Variants in MINK1 observed in about 807,000 individuals in gnomAD.
MINK1 encodes the protein misshapen-like kinase 1.
MINK1 carries 46 observed loss-of-function variants against 178.4 expected under a neutral mutation model. The ratio of observed to expected loss-of-function variants is 0.26; its 90% CI spans 0.20 to 0.33. The LOEUF is 0.33. MINK1 is among the 10% of genes least tolerant of loss of function. The pLI, the probability that MINK1 is intolerant of heterozygous loss-of-function variation, is 1.00. For synonymous variants in MINK1, 797 were observed against 709.7 expected, an observed-to-expected ratio of 1.12 and a Z score of -1.96; for missense variants, 1,366 against 1,814.9, an observed-to-expected ratio of 0.75 and a Z score of 4.49.
chr17:4,853,952 C>T (rs1246698835), intron 1 of MINK1, among the ~76,000 whole-genome samples: 2 of 152,062 alleles, frequency 1.3e-5, no homozygotes, highest in Admixed American at 6.6e-5. Context: ...TCTTCACACC[C>T]GAGGCTGGGG....
chr17:4,878,503 G>C, intron 2 of MINK1, 121 bp downstream of exon 2: 2 of 894,976 alleles, frequency 2.2e-6, no homozygotes, highest in South Asian at 1.5e-5. Context: ...CTAGAGTCTA[G>C]GGCCCTGGAA....
intron 1 of MINK1, among the ~76,000 whole-genome samples, chr17:4,862,645 A>C (rs1046056587): frequency 1.4e-5 from 2 of 147,096 alleles, no homozygotes; most frequent in Non-Finnish European, 3.0e-5. Flanking sequence ...CAGAGTGAGA[A>C]TCCATCTCAA....
chr17:4,835,552 G>A (rs1274208569), intron 1 of MINK1, among the ~76,000 whole-genome samples: 1 of 152,162 alleles, frequency 6.6e-6, no homozygotes, highest in African/African-American at 2.4e-5. Context: ...GCTTGAACTG[G>A]GGAGGTGGAG....
chr17:4,886,375 GA>G lies in MINK1; in HGVS notation c.774-74del. 6.5e-7 allele frequency: 1 copy of G among 1,536,302 alleles called. No homozygotes were observed. The highest frequency in any genetic ancestry group is 1.7e-5 in the Admixed American group (1 of 57,314). On this transcript the variant is annotated intron_variant, in intron 9 of 31. Coordinates refer to ENST00000355280, the MANE Select transcript of MINK1 (RefSeq NM_153827.5). This position sits in a 1 kb window ranked among gnomAD's most constrained non-coding sequence, Gnocchi z 6.1. Reference sequence around the variant, plus strand: ...AGGGACGTCAAGGTGGCTTGTGGATGAATGATCCACCCTCTTCCTCCTGCAC... The same window carrying G: ...AGGGACGTCAAGGTGGCTTGTGGATGATGATCCACCCTCTTCCTCCTGCAC...
chr17:4,884,819 C>G, intron 5 of MINK1, 93 bp from the exon 6 acceptor site: 1 of 1,113,150 alleles, frequency 9.0e-7, no homozygotes. Context: ...CCTGTCCAGA[C>G]TGACTGCTCC....
At chr17:4,834,210 A>T (rs1053346762) in intron 1 of MINK1, among the ~76,000 whole-genome samples, 2 of 151,780 alleles carry the variant, frequency 1.3e-5, no homozygotes, top group African/African-American at 4.8e-5. Context: ...AGTTTTCCCT[A>T]TCCCTTCTCT....
Position 4,833,719 on chromosome 17 carries a change from C to A in MINK1, c.57+79C>A, listed in dbSNP as rs1460945857. On this transcript the variant is annotated intron_variant, in intron 1 of 31. Coordinates refer to ENST00000355280, the MANE Select transcript of MINK1 (RefSeq NM_153827.5). This position sits in a 1 kb window ranked among gnomAD's most constrained non-coding sequence, Gnocchi z 4.8. ...GGGAGCGGGGTGGCTGCACGCCTCA[C>A]GTGCTCCCGGGCGCCCCCTCCACCA... 2 of 1,240,842 alleles carry A rather than the reference C, an allele frequency of 1.6e-6. No homozygotes were observed. Among genetic ancestry groups the A allele is most frequent in the East Asian group, 3.1e-5 (1 of 31,938 alleles). The allele number at this position is 1,240,842 out of a possible 1,614,324, so 76.9% of individuals were successfully genotyped here.
chr17:4,835,668 C>G (rs953802228), intron 1 of MINK1, among the ~76,000 whole-genome samples: 1 of 152,114 alleles, frequency 6.6e-6, no homozygotes, highest in Non-Finnish European at 1.5e-5. Flanking sequence ...CGGGTCCAAA[C>G]CACAACCTTT....
chr17:4,860,288 C>T (rs926755425), intron 1 of MINK1, among the ~76,000 whole-genome samples: 1 of 152,188 alleles, frequency 6.6e-6, no homozygotes, highest in Non-Finnish European at 1.5e-5. Flanking sequence ...TGAGTCCAGG[C>T]CTCTCCTGCA....
intron 2 of MINK1, 63 bp from the exon 3 acceptor site, chr17:4,880,921 T>C: frequency 7.1e-7 from 1 of 1,416,608 alleles, no homozygotes; most frequent in Non-Finnish European, 9.2e-7. Flanking sequence ...CTGTGTCTCC[T>C]AGAGTCAAGC....
chr17:4,868,865 T>G (rs1476446767), intron 1 of MINK1: 1 of 327,604 alleles, frequency 3.1e-6, no homozygotes, highest in East Asian at 1.4e-4. Flanking sequence ...TCCTCCCACC[T>G]CAGCCTCCTA....
chr17:4,869,050 A>T (rs567254123), intron 1 of MINK1, among the ~76,000 whole-genome samples: 70 of 151,976 alleles, frequency 4.6e-4, no homozygotes, highest in Non-Finnish European at 7.6e-4. Flanking sequence ...CAGCCTCCCA[A>T]GTAGCTGGGA....
chr17:4,833,455 C>G lies in MINK1; in HGVS notation c.-129C>G. ...TCCTCGCGCCGGCCCTCCCCCTCCC[C>G]GGTCTCCGGGGGAGGCGCGGTGGAG... is the stretch of plus-strand genomic sequence containing the variant. On this transcript the variant is annotated 5_prime_UTR_variant, in exon 1 of 32. Transcript: ENST00000355280. The surrounding 1 kb of genome is among the most constrained non-coding windows in gnomAD (Gnocchi z 4.8). 7 of 711,010 alleles carry G rather than the reference C, an allele frequency of 9.8e-6. No individual in the cohort carries two copies. The highest frequency in any genetic ancestry group is 1.6e-5 in the Non-Finnish European group (7 of 450,706). The allele number at this position is 711,010 out of a possible 1,614,324, so 44.0% of individuals were successfully genotyped here.
chr17:4,835,463 C>T lies in MINK1; in HGVS notation c.57+1823C>T, dbSNP rs1020353085. 2.6e-5 allele frequency among the ~76,000 whole-genome samples: 4 copies of T among 152,164 alleles called. 1 individual carries two copies. In the South Asian group the frequency reaches 8.3e-4, roughly 31 times the overall value. On this transcript the variant is annotated intron_variant, in intron 1 of 31. Coordinates refer to ENST00000355280, the MANE Select transcript of MINK1 (RefSeq NM_153827.5). ...CCAACACTGTGAAACCCCATCCTTA[C>T]TAAAAATACAAAAATTAGCCACACG...
chr17:4,893,502 C>G lies in MINK1; in HGVS notation c.2469C>G (p.Tyr823Ter), dbSNP rs1969090898. The change falls in exon 21 of 32, where the codon TAC becomes TAG. Residue 823 changes from tyrosine (Y) to a stop codon, truncating the protein, a stop_gained. Coordinates refer to ENST00000355280, the MANE Select transcript of MINK1 (RefSeq NM_153827.5). LOFTEE classifies it high-confidence loss of function. ...APRPPKKAMD[Y>*]SSSSEEVESS... ...GGCCTCCCAAGAAGGCCATGGACTA[C>G]TCGTCGTCCAGCGAGGAGGTGGAAA... is the stretch of plus-strand genomic sequence containing the variant. 1 of 1,599,728 alleles carries G rather than the reference C, an allele frequency of 6.3e-7. No homozygotes were observed. The highest frequency in any genetic ancestry group is 1.7e-5 in the Admixed American group (1 of 59,354).
chr17:4,854,295 G>A (rs1912668468), intron 1 of MINK1, among the ~76,000 whole-genome samples: 1 of 152,088 alleles, frequency 6.6e-6, no homozygotes. Context: ...GGTGTCAGCT[G>A]CCACCTCTTA....
At chr17:4,864,225 C>T (rs1169608020) in intron 1 of MINK1, among the ~76,000 whole-genome samples, 1 of 150,492 alleles carries the variant, frequency 6.6e-6, no homozygotes, top group Non-Finnish European at 1.5e-5. Context: ...CATGGAGAAA[C>T]CCCGTCTCTA....
chr17:4,864,460 A>G (rs1049070218), intron 1 of MINK1, among the ~76,000 whole-genome samples: 1 of 151,928 alleles, frequency 6.6e-6, no homozygotes, highest in Non-Finnish European at 1.5e-5. Flanking sequence ...CTGGTGGCTC[A>G]TGCCTGTAAT....
At chr17:4,892,359 G>GCC in intron 17 of MINK1, 43 bp from the exon 18 acceptor site, 3 of 1,434,936 alleles carry the variant, frequency 2.1e-6, no homozygotes, top group East Asian at 2.5e-5. Flanking sequence ...TCACCTCAGC[G>GCC]CCCCCCCGCC....
Sources: gnomAD v4.1 joint callset for allele counts (sites outside exome capture counted in the v4.1 genomes callset) on GRCh38, gnomAD v4.1.1 for gene constraint, Gnocchi (gnomAD v3.1) non-coding constraint, MANE v1.5 for transcripts, NCBI Gene and HGNC (gene_info 2026-07-23, HGNC 2026-07-21) for gene names.